The following GPC6 variants were observed in gnomAD, a reference collection of about 807,000 sequenced individuals.
GPC6 encodes glypican-6.
A neutral mutation model predicts 55.2 loss-of-function variants in GPC6; 14 were observed. That is an observed-to-expected ratio of 0.25 (90% CI 0.17 to 0.40). The LOEUF is 0.40. GPC6 is among the 10% of genes least tolerant of loss of function. The pLI is 1.00. For synonymous variants in GPC6, 278 were observed against 259.6 expected (o/e 1.07, Z -0.68); for missense variants, 641 against 708.5 (o/e 0.90, Z 1.08).
chr13:93,554,822 C>T (rs892988174), intron 2 of GPC6, among the ~76,000 whole-genome samples: 2 of 152,164 alleles, frequency 1.3e-5, no homozygotes, highest in Non-Finnish European at 2.9e-5. Context: ...TGTGCATGGT[C>T]CACAGTGCTC....
intron 4 of GPC6, among the ~76,000 whole-genome samples, chr13:94,232,452 T>C (rs1311471198): frequency 2.0e-5 from 3 of 152,202 alleles, no homozygotes; most frequent in Non-Finnish European, 4.4e-5. Context: ...GTGATTGCTT[T>C]AGATTTTTAT....
At position 93,286,834 on chromosome 13, in the gene GPC6, GT is replaced by G. The variant is rs140088994; in HGVS notation, c.160+59220del. ...TCTCCCTTCCTTCTTTCCTGATGCT[GT>G]TAGTGTTTAGTGATACAAGTTGAAC... On this transcript the variant is annotated intron_variant, in intron 1 of 8. Coordinates refer to ENST00000377047, the MANE Select transcript of GPC6 (RefSeq NM_005708.5). Among the ~76,000 whole-genome samples the G allele has an allele frequency of 4.8e-3, 723 of 152,152 alleles. 4 individuals carry two copies. Among genetic ancestry groups the G allele is most frequent in the African/African-American group, 0.015 (627 of 41,504 alleles).
At chr13:93,760,523 A>C (rs972279747) in intron 2 of GPC6, among the ~76,000 whole-genome samples, 2 of 152,190 alleles carry the variant, frequency 1.3e-5, no homozygotes, top group Non-Finnish European at 2.9e-5. Context: ...CATCCAGAGC[A>C]TGGCCTGCAC....
chr13:94,117,632 A>G (rs1435205139), intron 4 of GPC6, among the ~76,000 whole-genome samples: 2 of 152,122 alleles, frequency 1.3e-5, no homozygotes, highest in Non-Finnish European at 2.9e-5. Context: ...GCTCTATGCC[A>G]GGTTCAGTGT....
At chr13:94,262,628 G>A (rs925921774) in intron 4 of GPC6, among the ~76,000 whole-genome samples, 4 of 149,436 alleles carry the variant, frequency 2.7e-5, no homozygotes, top group African/African-American at 4.9e-5. Flanking sequence ...AGACGAGATC[G>A]TGCCACTGCA....
intron 2 of GPC6, among the ~76,000 whole-genome samples, chr13:93,646,808 G>A (rs1366967405): frequency 3.3e-5 from 5 of 151,652 alleles, no homozygotes; most frequent in Non-Finnish European, 7.4e-5. Flanking sequence ...TGATGTCTGT[G>A]GTGGAATGAA....
At chr13:93,392,408 G>A (rs1449738857) in intron 1 of GPC6, among the ~76,000 whole-genome samples, 1 of 152,174 alleles carries the variant, frequency 6.6e-6, no homozygotes, top group African/African-American at 2.4e-5. Context: ...TTTGCACAAA[G>A]TGCAGTTGCT....
At chr13:93,358,899 G>A (rs1011142992) in intron 1 of GPC6, among the ~76,000 whole-genome samples, 3 of 152,078 alleles carry the variant, frequency 2.0e-5, no homozygotes, top group Non-Finnish European at 4.4e-5. Context: ...GATTAATAGG[G>A]GAAAGTGTTT....
chr13:94,269,116 C>T lies in GPC6; in HGVS notation c.878-17233C>T, dbSNP rs117961241. ...ATTAAATGAAATACTGCATGTACCA[C>T]TTCCTGCAGGTACATAGGAAGTGGA... On this transcript the variant is annotated intron_variant, in intron 4 of 8. Coordinates refer to ENST00000377047, the MANE Select transcript of GPC6 (RefSeq NM_005708.5). Among the ~76,000 whole-genome samples the T allele has an allele frequency of 8.1e-4, 123 of 152,294 alleles. No homozygotes were observed. The East Asian group carries it at 0.016, about 20-fold the overall frequency.
chr13:94,062,806 A>G (rs530646209), intron 4 of GPC6, among the ~76,000 whole-genome samples: 90 of 152,346 alleles, frequency 5.9e-4, no homozygotes, highest in African/African-American at 1.8e-3. Flanking sequence ...GGTCAGAATC[A>G]TAGATATTTG....
chr13:93,576,614 AT>A (rs759872675), intron 2 of GPC6, among the ~76,000 whole-genome samples: 5 of 152,164 alleles, frequency 3.3e-5, no homozygotes, highest in Non-Finnish European at 7.4e-5. Flanking sequence ...GTTCAGAAAA[AT>A]TTCTTTCAAC....
chr13:93,786,238 T>C (rs1885810908), intron 2 of GPC6, among the ~76,000 whole-genome samples: 1 of 152,098 alleles, frequency 6.6e-6, no homozygotes, highest in South Asian at 2.1e-4. Context: ...AGAAGTGTAA[T>C]GAAGCGAAAA....
At chr13:93,627,618 C>T (rs538362469) in intron 2 of GPC6, among the ~76,000 whole-genome samples, 1 of 152,264 alleles carries the variant, frequency 6.6e-6, no homozygotes, top group South Asian at 2.1e-4. Flanking sequence ...TTCAGAAGTG[C>T]CACATTTATT....
At chr13:94,274,876 T>C (rs1466610244) in intron 4 of GPC6, among the ~76,000 whole-genome samples, 1 of 152,140 alleles carries the variant, frequency 6.6e-6, no homozygotes, top group African/African-American at 2.4e-5. Context: ...AATAAGATTC[T>C]GAATTCCCAC....
chr13:93,566,009 A>C (rs1260087774), intron 2 of GPC6, among the ~76,000 whole-genome samples: 1 of 151,812 alleles, frequency 6.6e-6, no homozygotes, highest in Non-Finnish European at 1.5e-5. Context: ...AATGAACAAC[A>C]AAAAAATATA....
rs386380251 is a variant in GPC6 at position 93,504,483 on chromosome 13, T to TTG, written c.161-40779_161-40778insGT. Among the ~76,000 whole-genome samples, 6 of 26,738 alleles carry TTG rather than the reference T, an allele frequency of 2.2e-4. No homozygotes were observed. The Admixed American group carries it at 2.6e-3, about 12-fold the overall frequency. The allele number at this position is 26,738 out of a possible 152,430, so 17.5% of individuals were successfully genotyped here. On this transcript the variant is annotated intron_variant, in intron 1 of 8. Transcript: ENST00000377047. ...CATTATAAAAATAAAAACAACATAGTTTTTTTTTTTTTTTTTCTGCTTTCC... is the reference window on the plus strand; with the variant it reads ...CATTATAAAAATAAAAACAACATAGTTGTTTTTTTTTTTTTTTTCTGCTTTCC...
intron 4 of GPC6, among the ~76,000 whole-genome samples, chr13:94,137,084 A>G (rs1374081466): frequency 6.6e-6 from 1 of 152,230 alleles, no homozygotes; most frequent in African/African-American, 2.4e-5. Context: ...AATAGGTGGC[A>G]GTGTCTCAAT....
chr13:93,541,719 C>G (rs1882310608), intron 1 of GPC6, among the ~76,000 whole-genome samples: 1 of 145,218 alleles, frequency 6.9e-6, no homozygotes, highest in Non-Finnish European at 1.5e-5. Context: ...GATTGCCATT[C>G]TAACTGCTGT....
chr13:94,151,061 G>T (rs759688078), intron 4 of GPC6, among the ~76,000 whole-genome samples: 5 of 151,866 alleles, frequency 3.3e-5, no homozygotes, highest in Non-Finnish European at 2.9e-5. Context: ...AACTAAAGCT[G>T]CCTGGCCTTA....
Sources: gnomAD v4.1 joint callset for allele counts (sites outside exome capture counted in the v4.1 genomes callset) on GRCh38, gnomAD v4.1.1 for gene constraint, MANE v1.5 for transcripts, NCBI Gene and HGNC (gene_info 2026-07-23, HGNC 2026-07-21) for gene names.